Variants in ADAMTS12 observed in about 807,000 individuals in gnomAD.
The protein encoded by ADAMTS12 is A disintegrin and metalloproteinase with thrombospondin motifs 12.
Under a neutral mutation model 167.8 loss-of-function variants are expected in ADAMTS12, and 118 were observed. That is an observed-to-expected ratio of 0.70 (90% CI 0.61 to 0.82). ADAMTS12 has a LOEUF of 0.82. Among genes scored for constraint, ADAMTS12 ranks in the 40% least tolerant of loss-of-function variants. The pLI is 0.00. For synonymous variants in ADAMTS12, 704 were observed against 716.9 expected, an observed-to-expected ratio of 0.98 and a Z score of 0.29; for missense variants, 1,916 against 1,998.8, an observed-to-expected ratio of 0.96 and a Z score of 0.79.
chr5:33,612,158 A>G (rs1738758296), intron 16 of ADAMTS12, among the ~76,000 whole-genome samples: 1 of 152,198 alleles, frequency 6.6e-6, no homozygotes, highest in Admixed American at 6.5e-5. Flanking sequence ...CCTTTGCCAG[A>G]GTAAGATTCG....
In ADAMTS12 at chr5:33,891,958, G is replaced by C; in HGVS notation, c.-102C>G. 1 of 1,453,476 alleles carries C rather than the reference G, an allele frequency of 6.9e-7. No individual in the cohort carries two copies. Among genetic ancestry groups the C allele is most frequent in the Non-Finnish European group, 9.2e-7 (1 of 1,081,932 alleles). 90.0% of individuals were successfully genotyped at this position (1,453,476 alleles called of 1,614,324 possible). A position where few individuals can be genotyped will look rare whatever the true frequency, so the allele number is the denominator to read the frequency against. On this transcript the variant is annotated 5_prime_UTR_variant, in exon 1 of 24. Coordinates refer to ENST00000504830, the MANE Select transcript of ADAMTS12 (RefSeq NM_030955.4). ...CCAGCAGGAAGATGCAGGGGTGCAT[G>C]GTCAGGCGCGAGAAGGCAGCGACTG...
rs61110268 is a variant in ADAMTS12, at chr5:33,760,879, CTGTGTGTGTG to C, written c.490-9341_490-9332del. 4.7e-3 allele frequency among the ~76,000 whole-genome samples: 679 copies of C among 145,528 alleles called. 3 individuals carry two copies. The highest frequency in any genetic ancestry group is 0.013 in the African/African-American group (492 of 39,094). On this transcript the variant is annotated intron_variant, in intron 2 of 23. Transcript: ENST00000504830. The stretch of plus-strand genomic sequence containing the variant: ...TTCTCATAATTTCTTTGTCTTTGCT[CTGTGTGTGTG>C]TGTGTGTGTGTGTGTGTGTGTGTGT...
At chr5:33,539,988 G>T (rs256646) in intron 22 of ADAMTS12, among the ~76,000 whole-genome samples, 4,759 of 152,156 alleles carry the variant, frequency 0.031, 271 homozygotes, top group African/African-American at 0.11. Flanking sequence ...GAGGGCGAGC[G>T]GAAGCAGGGC....
At chr5:33,849,839 T>C (rs1171148287) in intron 2 of ADAMTS12, among the ~76,000 whole-genome samples, 1 of 150,892 alleles carries the variant, frequency 6.6e-6, no homozygotes, top group African/African-American at 2.4e-5. Flanking sequence ...TATATATGTA[T>C]TGCATAGCAA....
intron 10 of ADAMTS12, among the ~76,000 whole-genome samples, chr5:33,642,372 C>T (rs1322333271): frequency 6.6e-6 from 1 of 152,184 alleles, no homozygotes; most frequent in East Asian, 1.9e-4. Context: ...CACAATAGTT[C>T]ACAGACTGGC....
chr5:33,784,779 T>C (rs534238179), intron 2 of ADAMTS12, among the ~76,000 whole-genome samples: 1 of 152,208 alleles, frequency 6.6e-6, no homozygotes, highest in African/African-American at 2.4e-5. Context: ...ATATATTCTA[T>C]ATACTGAAAT....
chr5:33,539,885 A>C (rs549092246), intron 22 of ADAMTS12, among the ~76,000 whole-genome samples: 1 of 152,326 alleles, frequency 6.6e-6, no homozygotes, highest in Non-Finnish European at 1.5e-5. Flanking sequence ...CGAGATCGAC[A>C]CAAGATGAGT....
intron 2 of ADAMTS12, among the ~76,000 whole-genome samples, chr5:33,878,180 G>C (rs1226625491): frequency 6.6e-6 from 1 of 152,162 alleles, no homozygotes; most frequent in Non-Finnish European, 1.5e-5. Context: ...GACCACTCTA[G>C]GTGGACACTG....
intron 19 of ADAMTS12, among the ~76,000 whole-genome samples, chr5:33,570,783 T>C (rs1219992646): frequency 2.0e-5 from 3 of 150,464 alleles, no homozygotes; most frequent in Non-Finnish European, 4.5e-5. Flanking sequence ...AATGCTCCAA[T>C]TAAAAGACAC....
intron 3 of ADAMTS12, among the ~76,000 whole-genome samples, chr5:33,706,906 C>T (rs183334213): frequency 3.9e-5 from 6 of 152,286 alleles, no homozygotes; most frequent in African/African-American, 1.4e-4. Flanking sequence ...GACAAGTATG[C>T]CCTTTCTCAC....
chr5:33,575,762 C>T (rs1460839030), intron 19 of ADAMTS12, among the ~76,000 whole-genome samples: 1 of 152,156 alleles, frequency 6.6e-6, no homozygotes, highest in Non-Finnish European at 1.5e-5. Context: ...ACACAACATC[C>T]TTCAGAATTG....
chr5:33,741,946 C>T (rs577645717), intron 3 of ADAMTS12, among the ~76,000 whole-genome samples: 1 of 152,162 alleles, frequency 6.6e-6, no homozygotes, highest in Non-Finnish European at 1.5e-5. Flanking sequence ...CATTTCTAAA[C>T]CTCCTAATTA....
intron 9 of ADAMTS12, among the ~76,000 whole-genome samples, chr5:33,647,273 T>G (rs975126105): frequency 1.1e-4 from 17 of 152,054 alleles, no homozygotes; most frequent in Non-Finnish European, 4.4e-5. Context: ...CCATGAGATA[T>G]TCTACTCACA....
chr5:33,643,906 T>C (rs917141967), intron 9 of ADAMTS12, among the ~76,000 whole-genome samples: 1 of 152,232 alleles, frequency 6.6e-6, no homozygotes. Context: ...AACTCTTCCA[T>C]CTAGAAAGCC....
chr5:33,868,739 A>T (rs936011602), intron 2 of ADAMTS12, among the ~76,000 whole-genome samples: 5 of 152,236 alleles, frequency 3.3e-5, no homozygotes, highest in African/African-American at 1.2e-4. Context: ...GTGGCCCAAC[A>T]CAAATTTCTA....
intron 22 of ADAMTS12, among the ~76,000 whole-genome samples, chr5:33,536,976 T>C (rs563475998): frequency 2.6e-5 from 4 of 152,232 alleles, no homozygotes; most frequent in African/African-American, 4.8e-5. Flanking sequence ...TCCTGAAATA[T>C]ATCCAGGCAG....
At chr5:33,720,946 C>A (rs1561234163) in intron 3 of ADAMTS12, among the ~76,000 whole-genome samples, 1 of 152,190 alleles carries the variant, frequency 6.6e-6, no homozygotes, top group African/African-American at 2.4e-5. Context: ...GATAGCAACA[C>A]TAGTTTTATA....
chr5:33,835,634 T>C (rs1243800076), intron 2 of ADAMTS12, among the ~76,000 whole-genome samples: 1 of 152,110 alleles, frequency 6.6e-6, no homozygotes, highest in Admixed American at 6.5e-5. Context: ...ATAAAGGCAC[T>C]AATCCCATTC....
chr5:33,675,231 G>C (rs1741859363), intron 5 of ADAMTS12, among the ~76,000 whole-genome samples: 1 of 152,162 alleles, frequency 6.6e-6, no homozygotes, highest in Non-Finnish European at 1.5e-5. Context: ...GTTCTTGACA[G>C]GAATAAGGAG....
Sources: gnomAD v4.1 joint callset for allele counts (sites outside exome capture counted in the v4.1 genomes callset) on GRCh38, gnomAD v4.1.1 for gene constraint, MANE v1.5 for transcripts, NCBI Gene and HGNC (gene_info 2026-07-23, HGNC 2026-07-21) for gene names.